The following ARHGAP28 variants were observed in gnomAD, a reference collection of about 807,000 sequenced individuals.
ARHGAP28 encodes rho GTPase-activating protein 28.
ARHGAP28 carries 56 observed loss-of-function variants against 90.7 expected under a neutral mutation model. That is an observed-to-expected ratio of 0.62 (90% CI 0.50 to 0.77). ARHGAP28 has a LOEUF of 0.77. ARHGAP28 is among the 30% of genes least tolerant of loss of function. The pLI is 0.00. For missense variants in ARHGAP28, 869 were observed against 900.9 expected, an observed-to-expected ratio of 0.96 and a Z score of 0.45; for synonymous variants, 308 against 323.3, an observed-to-expected ratio of 0.95 and a Z score of 0.51.
chr18:6,826,063 A>C (rs6506443), intron 2 of ARHGAP28, among the ~76,000 whole-genome samples: 93,914 of 150,694 alleles, frequency 0.62, 30,714 homozygotes, highest in South Asian at 0.74. Context: ...ACTAATTTAC[A>C]CTCCCACCAA....
chr18:6,797,159 TAAA>T (rs2056447443), intron 1 of ARHGAP28, among the ~76,000 whole-genome samples: 1 of 152,222 alleles, frequency 6.6e-6, no homozygotes. Context: ...TATCCACTTA[TAAA>T]ATCTGCCCTG....
intron 6 of ARHGAP28, among the ~76,000 whole-genome samples, chr18:6,868,782 T>C (rs2057058362): frequency 6.6e-6 from 1 of 152,124 alleles, no homozygotes; most frequent in Non-Finnish European, 1.5e-5. Flanking sequence ...GCATTCTTTT[T>C]GTAAATAATG....
At chr18:6,786,271 C>T (rs1022459730) in intron 1 of ARHGAP28, among the ~76,000 whole-genome samples, 22 of 151,982 alleles carry the variant, frequency 1.4e-4, no homozygotes, top group African/African-American at 5.1e-4. Context: ...TTTTATTTTT[C>T]CTTTTCTTTA....
chr18:6,749,586 T>C (rs2056052683), intron 1 of ARHGAP28, among the ~76,000 whole-genome samples: 1 of 152,224 alleles, frequency 6.6e-6, no homozygotes, highest in African/African-American at 2.4e-5. Context: ...TTTTTCACAT[T>C]GTATTCTTAC....
chr18:6,745,602 C>T (rs1209355027), intron 1 of ARHGAP28, among the ~76,000 whole-genome samples: 1 of 152,156 alleles, frequency 6.6e-6, no homozygotes, highest in Non-Finnish European at 1.5e-5. Context: ...TCTCCCTCGC[C>T]CCAGACATTT....
chr18:6,876,840 C>A (rs1379198448), intron 10 of ARHGAP28, among the ~76,000 whole-genome samples: 1 of 152,202 alleles, frequency 6.6e-6, no homozygotes, highest in East Asian at 1.9e-4. Flanking sequence ...TTTCTTACTT[C>A]CATGAGGTGG....
At chr18:6,812,177 T>C (rs543712338) in intron 1 of ARHGAP28, among the ~76,000 whole-genome samples, 5 of 152,190 alleles carry the variant, frequency 3.3e-5, no homozygotes, top group East Asian at 1.9e-4. Flanking sequence ...TACTGAAATA[T>C]AGATATTCTG....
intron 10 of ARHGAP28, among the ~76,000 whole-genome samples, 166 bp from the exon 11 acceptor site, chr18:6,881,971 C>T (rs766635435): frequency 8.6e-5 from 13 of 152,038 alleles, no homozygotes; most frequent in Non-Finnish European, 1.8e-4. Context: ...AATTCATCCT[C>T]ACATAGCTAT....
intron 1 of ARHGAP28, among the ~76,000 whole-genome samples, chr18:6,740,865 C>T (rs1448733800): frequency 6.6e-6 from 1 of 152,156 alleles, no homozygotes; most frequent in African/African-American, 2.4e-5. Context: ...CAGGGAATTA[C>T]CAACCTGTCG....
chr18:6,782,721 A>G (rs1458684000), intron 1 of ARHGAP28, among the ~76,000 whole-genome samples: 1 of 142,106 alleles, frequency 7.0e-6, no homozygotes, highest in African/African-American at 2.6e-5. Context: ...AAGTGCTGGG[A>G]TTACAGGCGT....
At position 6,914,442 on chromosome 18, in the gene ARHGAP28, A is replaced by G. The variant is rs980814505; in HGVS notation, c.*2288A>G. ...ACTTTGATTCTTAATCAGAGGGCAAATTCATTAGAGAAGAATTTTTAGTAG... is the reference window on the plus strand; with the variant it reads ...ACTTTGATTCTTAATCAGAGGGCAAGTTCATTAGAGAAGAATTTTTAGTAG... On this transcript the variant is annotated 3_prime_UTR_variant, in exon 18 of 18. Coordinates refer to ENST00000383472, the MANE Select transcript of ARHGAP28 (RefSeq NM_001366230.1). The G allele has an allele frequency of 6.6e-6, 1 of 152,120 alleles. No individual in the cohort carries two copies. Among genetic ancestry groups the G allele is most frequent in the Non-Finnish European group, 1.5e-5 (1 of 68,024 alleles). 9.4% of individuals were successfully genotyped at this position (152,120 alleles called of 1,614,324 possible). A position where few individuals can be genotyped will look rare whatever the true frequency, so the allele number is the denominator to read the frequency against.
chr18:6,776,787 C>T (rs9952364), intron 1 of ARHGAP28, among the ~76,000 whole-genome samples: 61,559 of 151,968 alleles, frequency 0.41, 13,361 homozygotes, highest in East Asian at 0.84. Context: ...TCAATCCACA[C>T]TGGTTCAGCT....
chr18:6,854,941 G>T (rs1325716475), intron 4 of ARHGAP28, among the ~76,000 whole-genome samples: 12 of 152,334 alleles, frequency 7.9e-5, no homozygotes, highest in Admixed American at 4.6e-4. Context: ...ACCCCCCACG[G>T]TGTGCACATG....
At chr18:6,797,042 G>A (rs1409199290) in intron 1 of ARHGAP28, among the ~76,000 whole-genome samples, 2 of 152,178 alleles carry the variant, frequency 1.3e-5, no homozygotes, top group Non-Finnish European at 2.9e-5. Context: ...ATATGTATAT[G>A]ACCAACAAAT....
intron 16 of ARHGAP28, chr18:6,898,390 T>C (rs749034131): frequency 1.2e-5 from 10 of 861,530 alleles, no homozygotes; most frequent in Admixed American, 4.4e-5. Flanking sequence ...ATATAATATA[T>C]ACACATATAC....
At chr18:6,858,988 T>C (rs1280835604) in intron 4 of ARHGAP28, among the ~76,000 whole-genome samples, 1 of 152,158 alleles carries the variant, frequency 6.6e-6, no homozygotes, top group African/African-American at 2.4e-5. Context: ...TGCAATAAGT[T>C]TCCTTGCTAA....
chr18:6,797,123 T>G (rs928005999), intron 1 of ARHGAP28, among the ~76,000 whole-genome samples: 1 of 152,230 alleles, frequency 6.6e-6, no homozygotes, highest in Non-Finnish European at 1.5e-5. Context: ...AGGTGTTATA[T>G]AACGTTAACT....
chr18:6,780,268 T>C (rs2056313749), intron 1 of ARHGAP28, among the ~76,000 whole-genome samples: 1 of 152,132 alleles, frequency 6.6e-6, no homozygotes, highest in Non-Finnish European at 1.5e-5. Context: ...CATGGGCAGA[T>C]TGAACCAACC....
At chr18:6,795,804 CAGAA>C (rs2056437645) in intron 1 of ARHGAP28, among the ~76,000 whole-genome samples, 1 of 152,212 alleles carries the variant, frequency 6.6e-6, no homozygotes, top group South Asian at 2.1e-4. Flanking sequence ...TTCCCATTTG[CAGAA>C]AGAGTCACCA....
Sources: gnomAD v4.1 joint callset for allele counts (sites outside exome capture counted in the v4.1 genomes callset) on GRCh38, gnomAD v4.1.1 for gene constraint, MANE v1.5 for transcripts, NCBI Gene and HGNC (gene_info 2026-07-23, HGNC 2026-07-21) for gene names.